SLC14A2: variants seen among roughly 807,000 people sequenced by gnomAD.
SLC14A2 encodes the protein urea transporter 2.
Under a neutral mutation model 104.6 loss-of-function variants are expected in SLC14A2, and 91 were observed. The observed-to-expected ratio is 0.87, with a 90% CI of 0.73 to 1.04. The LOEUF is 1.04. Among genes scored for constraint, SLC14A2 ranks in the 50% least tolerant of loss-of-function variants. The pLI, the probability that SLC14A2 is intolerant of heterozygous loss-of-function variation, is 0.00. For synonymous variants in SLC14A2, 476 were observed against 466.4 expected (o/e 1.02, Z -0.27); for missense variants, 1,189 against 1,156.0 (o/e 1.03, Z -0.41).
At chr18:45,437,514 G>A (rs1336172986) in intron 1 of SLC14A2, among the ~76,000 whole-genome samples, 1 of 152,146 alleles carries the variant, frequency 6.6e-6, no homozygotes, top group African/African-American at 2.4e-5. Context: ...CTCGCATCTG[G>A]GAGTGGCCCA....
chr18:45,311,543 G>T (rs1034871768), intron 1 of SLC14A2, among the ~76,000 whole-genome samples: 1 of 152,126 alleles, frequency 6.6e-6, no homozygotes, highest in Admixed American at 6.6e-5. Context: ...TAAGATCTTG[G>T]AGCTTCTAAG....
chr18:45,298,660 G>A (rs533819720), intron 1 of SLC14A2, among the ~76,000 whole-genome samples: 4 of 152,226 alleles, frequency 2.6e-5, no homozygotes, highest in East Asian at 1.9e-4. Context: ...TGTGATTAAC[G>A]TTTGATTGTA....
intron 1 of SLC14A2, among the ~76,000 whole-genome samples, chr18:45,340,776 C>T (rs55929929): frequency 6.6e-6 from 1 of 152,166 alleles, no homozygotes; most frequent in Non-Finnish European, 1.5e-5. Context: ...GAAAAGAGTA[C>T]TGGTGTGGAA....
At chr18:45,379,970 C>T (rs1208088141) in intron 1 of SLC14A2, among the ~76,000 whole-genome samples, 8 of 152,150 alleles carry the variant, frequency 5.3e-5, no homozygotes, top group South Asian at 2.1e-4. Flanking sequence ...CCACCTTCCT[C>T]GCCAGAGTAA....
chr18:45,434,644 C>G (rs2086567959), intron 1 of SLC14A2, among the ~76,000 whole-genome samples: 4 of 152,138 alleles, frequency 2.6e-5, no homozygotes, highest in African/African-American at 9.7e-5. Context: ...AACTGGCAGC[C>G]TGAAGGCAAT....
chr18:45,298,174 T>C (rs2084934885), intron 1 of SLC14A2, among the ~76,000 whole-genome samples: 1 of 152,158 alleles, frequency 6.6e-6, no homozygotes, highest in Non-Finnish European at 1.5e-5. Flanking sequence ...CCATTCCCTA[T>C]AAAATAGCAG....
chr18:45,351,714 A>G (rs1046414212), intron 1 of SLC14A2, among the ~76,000 whole-genome samples: 5 of 152,196 alleles, frequency 3.3e-5, no homozygotes, highest in Non-Finnish European at 5.9e-5. Context: ...ACTGGGTTTG[A>G]AAAGTATAGT....
In SLC14A2 at chr18:45,666,106, A is replaced by T. The variant is rs771906373; in HGVS notation, c.1475-31A>T. 4.6e-6 allele frequency: 7 copies of T among 1,524,926 alleles called. No individual in the cohort carries two copies. The East Asian group carries it at 1.6e-4, about 34-fold the overall frequency. 94.5% of individuals were successfully genotyped at this position (1,524,926 alleles called of 1,614,324 possible). On this transcript the variant is annotated intron_variant, in intron 11 of 19. Coordinates refer to ENST00000255226, the MANE Select transcript of SLC14A2 (RefSeq NM_007163.4). ...TGAGGTGCCAGAGTAGAGGTGTCCTAACTGATGGTGCTCTTTCCTTCTAAC... is the reference window on the plus strand; with the variant it reads ...TGAGGTGCCAGAGTAGAGGTGTCCTTACTGATGGTGCTCTTTCCTTCTAAC...
At chr18:45,399,659 G>A (rs2086074261) in intron 1 of SLC14A2, among the ~76,000 whole-genome samples, 1 of 151,688 alleles carries the variant, frequency 6.6e-6, no homozygotes, top group Admixed American at 6.6e-5. Context: ...ATATTATGGT[G>A]GGATGTTTTT....
At chr18:45,517,856 G>C (rs535628081) in intron 2 of SLC14A2, among the ~76,000 whole-genome samples, 1 of 152,268 alleles carries the variant, frequency 6.6e-6, no homozygotes, top group South Asian at 2.1e-4. Flanking sequence ...AAAAATAGAA[G>C]TTCACTGGTT....
At chr18:45,283,284 C>A (rs2084781477) in intron 1 of SLC14A2, among the ~76,000 whole-genome samples, 1 of 144,982 alleles carries the variant, frequency 6.9e-6, no homozygotes, top group Non-Finnish European at 1.5e-5. Context: ...TATCATCATC[C>A]AACATCAACC....
intron 1 of SLC14A2, among the ~76,000 whole-genome samples, chr18:45,279,272 G>A (rs2084736813): frequency 6.6e-6 from 1 of 152,224 alleles, no homozygotes; most frequent in African/African-American, 2.4e-5. Context: ...TGAAATTTAT[G>A]TACAATATTT....
At chr18:45,209,053 G>C (rs2083938982), upstream of SLC14A2, among the ~76,000 whole-genome samples, 1 of 150,524 alleles carries the variant, frequency 6.6e-6, no homozygotes, top group African/African-American at 2.4e-5. Context: ...AACAACAACT[G>C]TGGCCGAGCA....
At chr18:45,630,113 T>C (rs1478898336) in intron 4 of SLC14A2, among the ~76,000 whole-genome samples, 1 of 152,202 alleles carries the variant, frequency 6.6e-6, no homozygotes, top group Non-Finnish European at 1.5e-5. Flanking sequence ...TGATTCTTCT[T>C]TCTCTGGATA....
chr18:45,408,389 T>A (rs2086179527), intron 1 of SLC14A2, among the ~76,000 whole-genome samples: 1 of 152,198 alleles, frequency 6.6e-6, no homozygotes, highest in Admixed American at 6.5e-5. Context: ...GCAAAGCATT[T>A]AATTCAATTC....
chr18:45,609,788 C>A (rs1259583070), intron 2 of SLC14A2, among the ~76,000 whole-genome samples: 1 of 152,168 alleles, frequency 6.6e-6, no homozygotes, highest in Non-Finnish European at 1.5e-5. Flanking sequence ...TTGTGTACCA[C>A]CTATAACTAG....
intron 1 of SLC14A2, among the ~76,000 whole-genome samples, chr18:45,405,031 T>G (rs2086138370): frequency 6.6e-6 from 1 of 152,100 alleles, no homozygotes; most frequent in Non-Finnish European, 1.5e-5. Flanking sequence ...GCATGTAACT[T>G]GAAAAATTCT....
chr18:45,375,197 C>T (rs922633067), intron 1 of SLC14A2, among the ~76,000 whole-genome samples: 1 of 152,132 alleles, frequency 6.6e-6, no homozygotes, highest in Non-Finnish European at 1.5e-5. Flanking sequence ...CAAAATAAAC[C>T]TCCTTCTTGC....
intron 1 of SLC14A2, among the ~76,000 whole-genome samples, chr18:45,291,872 A>T (rs1163813116): frequency 6.6e-6 from 1 of 152,134 alleles, no homozygotes; most frequent in East Asian, 1.9e-4. Flanking sequence ...CAAACTGGCC[A>T]ACATCCTCTC....
Sources: allele counts gnomAD v4.1 joint callset (sites outside exome capture counted in the v4.1 genomes callset), GRCh38; gene constraint gnomAD v4.1.1; transcripts MANE v1.5; gene names NCBI Gene and HGNC (gene_info 2026-07-23, HGNC 2026-07-21).